CDH4: variants seen among roughly 807,000 people sequenced by gnomAD.
The protein encoded by CDH4 is cadherin-4.
In CDH4, 33 loss-of-function variants were observed where a neutral mutation model predicts 86.0. That is an observed-to-expected ratio of 0.38 (90% CI 0.29 to 0.51). The LOEUF is 0.51. Ranked by LOEUF, CDH4 falls within the 20% of genes least tolerant of loss-of-function variation. The pLI is 0.86. For synonymous variants in CDH4, 555 were observed against 549.4 expected, an observed-to-expected ratio of 1.01 and a Z score of -0.14; for missense variants, 1,114 against 1,307.4, an observed-to-expected ratio of 0.85 and a Z score of 2.28.
intron 8 of CDH4, among the ~76,000 whole-genome samples, chr20:61,909,499 G>A (rs2054826768): frequency 6.6e-6 from 1 of 152,310 alleles, no homozygotes; most frequent in African/African-American, 2.4e-5. Flanking sequence ...TATTCTGTCA[G>A]TTGGAAATCA....
At chr20:61,319,884 G>A (rs1229525254) in intron 2 of CDH4, among the ~76,000 whole-genome samples, 1 of 151,810 alleles carries the variant, frequency 6.6e-6, no homozygotes, top group Non-Finnish European at 1.5e-5. Flanking sequence ...GAACCTGGGA[G>A]GCGAAGGATG....
rs184841496 is a variant in CDH4, at chr20:61,572,022, C to G, written c.170-171541C>G. Among the ~76,000 whole-genome samples the G allele has an allele frequency of 5.9e-5, 9 of 152,198 alleles. No individual in the cohort carries two copies. The East Asian group carries it at 9.7e-4, about 16-fold the overall frequency. ...GGGATTCAAACCCAGGGACCTCTGCCTTAGAGCCCAGGCCCTTCCCGCGTG... is the reference window on the plus strand; with the variant it reads ...GGGATTCAAACCCAGGGACCTCTGCGTTAGAGCCCAGGCCCTTCCCGCGTG... On this transcript the variant is annotated intron_variant, in intron 2 of 15. Coordinates refer to ENST00000614565, the MANE Select transcript of CDH4 (RefSeq NM_001794.5).
Position 61,443,962 on chromosome 20 carries a change from G to A in CDH4, c.169+189025G>A, listed in dbSNP as rs375184199. Among the ~76,000 whole-genome samples, 11 of 89,548 alleles carry A rather than the reference G, an allele frequency of 1.2e-4. 1 individual carries two copies. In the South Asian group the frequency reaches 3.0e-3, roughly 24 times the overall value. The allele number at this position is 89,548 out of a possible 152,430, so 58.7% of individuals were successfully genotyped here. On this transcript the variant is annotated intron_variant, in intron 2 of 15. Transcript: ENST00000614565. ...TGGATATCTGTGTGTGTGTCTGTGT[G>A]TGTATCTGTGTGTGTGATTGTGCGT...
chr20:61,880,811 C>G (rs1984242806), intron 7 of CDH4, among the ~76,000 whole-genome samples: 1 of 152,228 alleles, frequency 6.6e-6, no homozygotes, highest in Admixed American at 6.5e-5. Context: ...TGAGCTGGCG[C>G]CCACCACTGC....
intron 13 of CDH4, among the ~76,000 whole-genome samples, chr20:61,931,879 A>C (rs1469848098): frequency 6.6e-6 from 1 of 152,030 alleles, no homozygotes; most frequent in Non-Finnish European, 1.5e-5. Flanking sequence ...TTCCACATGC[A>C]CCTGAACTTC....
At chr20:61,722,568 C>T (rs796610768) in intron 2 of CDH4, among the ~76,000 whole-genome samples, 97 of 152,298 alleles carry the variant, frequency 6.4e-4, no homozygotes, top group African/African-American at 2.2e-3. Flanking sequence ...CACTGGCCAT[C>T]GTGGAAGCAG....
At chr20:61,440,279 A>G (rs1043817349) in intron 2 of CDH4, among the ~76,000 whole-genome samples, 1 of 152,198 alleles carries the variant, frequency 6.6e-6, no homozygotes, top group Non-Finnish European at 1.5e-5. Context: ...GTGATGAATG[A>G]TTCAGAGAAC....
rs1421144924 is a variant in CDH4, at chr20:61,495,892, G to T, written c.169+240955G>T. Reference sequence around the variant, plus strand: ...CACTCCAGCCTGGGCAACAGAGTGAGACTCCATCTCAAAAAAAAAAAAAAA... The same window carrying T: ...CACTCCAGCCTGGGCAACAGAGTGATACTCCATCTCAAAAAAAAAAAAAAA... On this transcript the variant is annotated intron_variant, in intron 2 of 15. Coordinates refer to ENST00000614565, the MANE Select transcript of CDH4 (RefSeq NM_001794.5). 6.8e-5 allele frequency among the ~76,000 whole-genome samples: 7 copies of T among 103,324 alleles called. No individual in the cohort carries two copies. In the East Asian group the frequency reaches 9.1e-4, roughly 13 times the overall value. 67.8% of individuals were successfully genotyped at this position (103,324 alleles called of 152,430 possible).
chr20:61,579,252 C>T (rs894504905), intron 2 of CDH4, among the ~76,000 whole-genome samples: 2 of 149,644 alleles, frequency 1.3e-5, no homozygotes, highest in East Asian at 4.0e-4. Context: ...GCCAGGCAGT[C>T]GGGGAGTTGC....
intron 2 of CDH4, among the ~76,000 whole-genome samples, chr20:61,629,770 G>A (rs1368035054): frequency 6.6e-6 from 1 of 152,192 alleles, no homozygotes; most frequent in Non-Finnish European, 1.5e-5. Context: ...CCCATGGGAA[G>A]GTGCTCGGTG....
At chr20:61,462,561 C>A (rs1444142856) in intron 2 of CDH4, among the ~76,000 whole-genome samples, 2 of 131,806 alleles carry the variant, frequency 1.5e-5, no homozygotes, top group South Asian at 2.4e-4. Flanking sequence ...GGCTTCCCAC[C>A]ACTCACTCAG....
intron 6 of CDH4, among the ~76,000 whole-genome samples, chr20:61,854,093 G>A (rs1454150975): frequency 6.6e-6 from 1 of 152,168 alleles, no homozygotes; most frequent in Non-Finnish European, 1.5e-5. Flanking sequence ...CCACACCCCT[G>A]GCCAGTGCCC....
chr20:61,914,820 T>A (rs906241855), intron 9 of CDH4, among the ~76,000 whole-genome samples: 1 of 152,038 alleles, frequency 6.6e-6, no homozygotes, highest in African/African-American at 2.4e-5. Context: ...GCTGCCGTCT[T>A]CCCCACTGGG....
intron 2 of CDH4, among the ~76,000 whole-genome samples, chr20:61,462,662 T>C (rs780479412): frequency 6.6e-6 from 1 of 152,178 alleles, no homozygotes; most frequent in African/African-American, 2.4e-5. Flanking sequence ...ACTCAGCTCA[T>C]TGGGGCTCCC....
intron 6 of CDH4, among the ~76,000 whole-genome samples, chr20:61,870,714 C>T (rs979979411): frequency 7.9e-5 from 12 of 152,150 alleles, no homozygotes; most frequent in East Asian, 5.8e-4. Context: ...GAGCCAAATG[C>T]GGTCACCACC....
At chr20:61,581,892 C>T (rs892638734) in intron 2 of CDH4, among the ~76,000 whole-genome samples, 12 of 152,202 alleles carry the variant, frequency 7.9e-5, no homozygotes, top group African/African-American at 2.9e-4. Context: ...TGCTGAGCTC[C>T]CGCCGTCTCC....
chr20:61,447,173 T>C (rs1425172445), intron 2 of CDH4, among the ~76,000 whole-genome samples: 1 of 152,182 alleles, frequency 6.6e-6, no homozygotes, highest in Non-Finnish European at 1.5e-5. Flanking sequence ...TTGTTTGTTT[T>C]TGAGACGGAG....
chr20:61,477,962 G>A (rs994115278), intron 2 of CDH4, among the ~76,000 whole-genome samples: 1 of 152,160 alleles, frequency 6.6e-6, no homozygotes, highest in African/African-American at 2.4e-5. Context: ...CTTTTGTTGT[G>A]GAAAGTAAGA....
chr20:61,928,834 C>T (rs1426223490), intron 12 of CDH4, among the ~76,000 whole-genome samples: 2 of 152,230 alleles, frequency 1.3e-5, no homozygotes, highest in Non-Finnish European at 2.9e-5. Flanking sequence ...GTGCTCTAAA[C>T]ATGTCTACTT....
Sources: allele counts gnomAD v4.1 joint callset (sites outside exome capture counted in the v4.1 genomes callset), GRCh38; gene constraint gnomAD v4.1.1; transcripts MANE v1.5; gene names NCBI Gene and HGNC (gene_info 2026-07-23, HGNC 2026-07-21).